The following BARX2 variants were observed in gnomAD, a reference collection of about 807,000 sequenced individuals.
The protein encoded by BARX2 is homeobox protein BarH-like 2.
A neutral mutation model predicts 25.5 loss-of-function variants in BARX2; 11 were observed. The ratio of observed to expected loss-of-function variants is 0.43; its 90% CI spans 0.27 to 0.71. The LOEUF is 0.71. BARX2 is among the 30% of genes least tolerant of loss of function. BARX2 has a pLI of 0.19. For missense variants in BARX2, 360 were observed against 359.9 expected, an observed-to-expected ratio of 1.00 and a Z score of 0.00; for synonymous variants, 137 against 149.5, an observed-to-expected ratio of 0.92 and a Z score of 0.61.
In BARX2 at chr11:129,397,034, C is replaced by T. The variant is rs187370176; in HGVS notation, c.187+20812C>T. Among the ~76,000 whole-genome samples, 12 of 152,154 alleles carry T rather than the reference C, an allele frequency of 7.9e-5. No homozygotes were observed. In the East Asian group the frequency reaches 1.9e-3, roughly 24 times the overall value. On this transcript the variant is annotated intron_variant, in intron 1 of 3. Transcript: ENST00000281437. ...GCACGGTGGCTCACATCTGTAATCC[C>T]AACACTTTGGGAGGCTGAAGCAGGA... is the stretch of plus-strand genomic sequence containing the variant.
At chr11:129,431,808 T>C (rs1197960065) in intron 1 of BARX2, among the ~76,000 whole-genome samples, 1 of 152,044 alleles carries the variant, frequency 6.6e-6, no homozygotes, top group African/African-American at 2.4e-5. Flanking sequence ...TTTTATTTTA[T>C]GCATCATGCT....
intron 1 of BARX2, among the ~76,000 whole-genome samples, chr11:129,401,812 C>T (rs759965532): frequency 3.1e-4 from 47 of 152,148 alleles, no homozygotes; most frequent in Non-Finnish European, 6.2e-4. Context: ...AAAAATTAGC[C>T]AGGTGTGGTG....
At position 129,421,402 on chromosome 11, in the gene BARX2, C is replaced by T. The variant is rs556218471; in HGVS notation, c.188-15349C>T. On this transcript the variant is annotated intron_variant, in intron 1 of 3. Transcript: ENST00000281437. ...TCCATCAAACACAGAGCTTCCCTTT[C>T]CTCCTTACTTCAACAGGTAGATTCC... Among the ~76,000 whole-genome samples, 13 of 152,336 alleles carry T rather than the reference C, an allele frequency of 8.5e-5. No homozygotes were observed. In the South Asian group the frequency reaches 2.7e-3, roughly 32 times the overall value.
At chr11:129,427,178 A>C (rs538067935) in intron 1 of BARX2, among the ~76,000 whole-genome samples, 1 of 152,212 alleles carries the variant, frequency 6.6e-6, no homozygotes, top group African/African-American at 2.4e-5. Context: ...TGGGCACTTC[A>C]CATACATTAA....
chr11:129,444,817 C>T (rs1016212870), intron 3 of BARX2, among the ~76,000 whole-genome samples: 3 of 151,956 alleles, frequency 2.0e-5, no homozygotes, highest in South Asian at 4.1e-4. Flanking sequence ...GCCTGGCAAA[C>T]ATGGTGAAGT....
intron 1 of BARX2, among the ~76,000 whole-genome samples, chr11:129,397,122 A>C (rs913563208): frequency 3.3e-5 from 5 of 152,056 alleles, no homozygotes; most frequent in African/African-American, 1.2e-4. Flanking sequence ...TCATCTCTAC[A>C]AAAAATCAAA....
At chr11:129,405,277 T>C (rs1405365842) in intron 1 of BARX2, among the ~76,000 whole-genome samples, 1 of 152,176 alleles carries the variant, frequency 6.6e-6, no homozygotes, top group African/African-American at 2.4e-5. Context: ...TTGGGTTAAT[T>C]TTCTAGAAGG....
intron 1 of BARX2, among the ~76,000 whole-genome samples, chr11:129,396,689 A>G (rs1385780046): frequency 6.6e-6 from 1 of 152,118 alleles, no homozygotes; most frequent in African/African-American, 2.4e-5. Flanking sequence ...ACTCTTCACA[A>G]CAGTTTAAAC....
At chr11:129,392,257 G>C (rs1455791474) in intron 1 of BARX2, among the ~76,000 whole-genome samples, 1 of 152,214 alleles carries the variant, frequency 6.6e-6, no homozygotes, top group African/African-American at 2.4e-5. Flanking sequence ...ACCCACTGTG[G>C]GGTGAGAGAT....
intron 2 of BARX2, among the ~76,000 whole-genome samples, chr11:129,439,382 AC>A (rs1862230781): frequency 6.6e-6 from 1 of 152,064 alleles, no homozygotes; most frequent in Non-Finnish European, 1.5e-5. Context: ...GCACCCATCA[AC>A]CCATCATCTA....
intron 1 of BARX2, among the ~76,000 whole-genome samples, chr11:129,407,392 A>G (rs1267442839): frequency 3.9e-5 from 6 of 152,204 alleles, no homozygotes; most frequent in Admixed American, 2.0e-4. Context: ...AATTCCTTAG[A>G]TGACGTTGTT....
At chr11:129,417,610 A>G (rs910011982) in intron 1 of BARX2, among the ~76,000 whole-genome samples, 3 of 152,226 alleles carry the variant, frequency 2.0e-5, no homozygotes, top group African/African-American at 2.4e-5. Context: ...AGATGAAAGC[A>G]CGCTACAGCT....
intron 1 of BARX2, among the ~76,000 whole-genome samples, chr11:129,398,528 A>G (rs1861744862): frequency 6.6e-6 from 1 of 152,252 alleles, no homozygotes; most frequent in Non-Finnish European, 1.5e-5. Context: ...TGCCTATTCC[A>G]AGCACATGCT....
chr11:129,426,708 G>T (rs1862067642), intron 1 of BARX2, among the ~76,000 whole-genome samples: 1 of 152,042 alleles, frequency 6.6e-6, no homozygotes, highest in Non-Finnish European at 1.5e-5. Context: ...AATTGGCTTT[G>T]GTTCTGTCTT....
At chr11:129,393,963 A>G (rs1348581031) in intron 1 of BARX2, among the ~76,000 whole-genome samples, 1 of 152,128 alleles carries the variant, frequency 6.6e-6, no homozygotes, top group African/African-American at 2.4e-5. Flanking sequence ...ATTTAAACAA[A>G]AGAAAAAGAA....
At chr11:129,448,963 A>C (rs1862362783) in intron 3 of BARX2, among the ~76,000 whole-genome samples, 1 of 152,248 alleles carries the variant, frequency 6.6e-6, no homozygotes, top group Admixed American at 6.5e-5. Context: ...TTCTGTTTAT[A>C]TAAAATGTCC....
At chr11:129,432,035 C>T (rs1862135424) in intron 1 of BARX2, among the ~76,000 whole-genome samples, 1 of 151,152 alleles carries the variant, frequency 6.6e-6, no homozygotes, top group Non-Finnish European at 1.5e-5. Context: ...CCAATTGCTC[C>T]AGCACCATTT....
intron 3 of BARX2, among the ~76,000 whole-genome samples, chr11:129,443,442 C>T (rs1280990216): frequency 6.6e-6 from 1 of 152,046 alleles, no homozygotes; most frequent in Non-Finnish European, 1.5e-5. Context: ...GGCTGTGCGT[C>T]CTCTAACGCA....
At chr11:129,425,924 G>A (rs1325441267) in intron 1 of BARX2, among the ~76,000 whole-genome samples, 1 of 150,400 alleles carries the variant, frequency 6.6e-6, no homozygotes, top group Non-Finnish European at 1.5e-5. Flanking sequence ...CTCTATCATG[G>A]TAGTCTAATA....
Sources: gnomAD v4.1 joint callset for allele counts (sites outside exome capture counted in the v4.1 genomes callset) on GRCh38, gnomAD v4.1.1 for gene constraint, MANE v1.5 for transcripts, NCBI Gene and HGNC (gene_info 2026-07-23, HGNC 2026-07-21) for gene names.